NSD1: variants seen among roughly 807,000 people sequenced by gnomAD.
NSD1 encodes nuclear receptor binding SET domain protein 1, also known as histone-lysine N-methyltransferase, H3 lysine-36 specific.
Under a neutral mutation model 242.7 loss-of-function variants are expected in NSD1, and 26 were observed. That is an observed-to-expected ratio of 0.11 (90% CI 0.08 to 0.15). The LOEUF is 0.15. Among genes scored for constraint, NSD1 ranks in the 10% least tolerant of loss-of-function variants. The pLI is 1.00. For missense variants in NSD1, 2,495 were observed against 3,272.8 expected (o/e 0.76, Z 5.80); for synonymous variants, 1,106 against 1,178.1 (o/e 0.94, Z 1.25).
chr5:177,155,204 G>A (rs1382673181), intron 2 of NSD1, among the ~76,000 whole-genome samples: 2 of 152,020 alleles, frequency 1.3e-5, no homozygotes, highest in East Asian at 1.9e-4. Context: ...GGTCAGGCTC[G>A]TGTCAAACTC....
At chr5:177,201,650 C>T (rs1762515798) in intron 3 of NSD1, among the ~76,000 whole-genome samples, 1 of 151,348 alleles carries the variant, frequency 6.6e-6, no homozygotes, top group African/African-American at 2.4e-5. Context: ...CCCCCGCCTC[C>T]TGAGTTCAAG....
chr5:177,187,692 A>AT (rs1761346303), intron 2 of NSD1, among the ~76,000 whole-genome samples: 1 of 151,870 alleles, frequency 6.6e-6, no homozygotes, highest in Admixed American at 6.6e-5. Context: ...TGGTTAATAG[A>AT]TTGTGTTCTG....
intron 2 of NSD1, among the ~76,000 whole-genome samples, chr5:177,169,206 G>T (rs1202516592): frequency 6.6e-6 from 1 of 152,110 alleles, no homozygotes; most frequent in Non-Finnish European, 1.5e-5. Flanking sequence ...TGGAGCTGCT[G>T]CTTAAGTCTA....
intron 3 of NSD1, among the ~76,000 whole-genome samples, chr5:177,197,299 A>G (rs895155135): frequency 6.6e-6 from 1 of 151,534 alleles, no homozygotes; most frequent in African/African-American, 2.4e-5. Context: ...TAAAAAATAA[A>G]TTGGGTATTG....
Position 177,294,311 on chromosome 5 carries a change from C to T in NSD1, c.6943C>T (p.Pro2315Ser). Residue 2315 changes from proline (P) to serine (S), a missense_variant, in exon 23 of 23, where the codon CCA becomes TCA. Pro to Ser is a moderately conservative substitution (Grantham distance 74). Around this residue, in one of 19 missense-constraint regions of NSD1, gnomAD observed 475 missense variants for 563.7 expected, o/e 0.84. Transcript: ENST00000439151. ...KSQSLVSSQR[P>S]LDRPPAVAGP... is the part of the protein sequence containing the mutation. Reference sequence around the variant, plus strand: ...CCAATCCTTGGTTTCCAGCCAGAGGCCACTGGACAGGCCACCAGCAGTGGC... The same window carrying T: ...CCAATCCTTGGTTTCCAGCCAGAGGTCACTGGACAGGCCACCAGCAGTGGC... The T allele has an allele frequency of 2.5e-6, 4 of 1,614,210 alleles. No homozygotes were observed. The highest frequency in any genetic ancestry group is 3.4e-6 in the Non-Finnish European group (4 of 1,180,038).
At chr5:177,226,649 C>T (rs1299698794) in intron 5 of NSD1, among the ~76,000 whole-genome samples, 1 of 152,152 alleles carries the variant, frequency 6.6e-6, no homozygotes, top group Non-Finnish European at 1.5e-5. Context: ...TTGGCGATAT[C>T]TCATAGTATT....
chr5:177,169,004 T>G (rs1288823943), intron 2 of NSD1, among the ~76,000 whole-genome samples: 1 of 152,202 alleles, frequency 6.6e-6, no homozygotes, highest in Non-Finnish European at 1.5e-5. Context: ...GGCATTGTCA[T>G]GAATAATTGG....
intron 2 of NSD1, among the ~76,000 whole-genome samples, chr5:177,158,523 T>C (rs11958528): frequency 0.025 from 3,850 of 151,704 alleles, 48 homozygotes; most frequent in African/African-American, 0.029. Context: ...TTTTTGGTAG[T>C]GACAGGGTTT....
intron 3 of NSD1, among the ~76,000 whole-genome samples, chr5:177,192,403 A>AT (rs1218398480): frequency 6.8e-6 from 1 of 147,836 alleles, no homozygotes; most frequent in Non-Finnish European, 1.5e-5. Flanking sequence ...TTTTTTTTTA[A>AT]TTTTTTATTT....
At chr5:177,167,512 G>A (rs894852632) in intron 2 of NSD1, among the ~76,000 whole-genome samples, 4 of 151,860 alleles carry the variant, frequency 2.6e-5, no homozygotes, top group African/African-American at 9.7e-5. Context: ...TCCAGCCTGG[G>A]CAACAAGAGC....
intron 4 of NSD1, among the ~76,000 whole-genome samples, chr5:177,207,905 AGTGTGTGTGTGTGTGTGC>A (rs1404267537): frequency 2.0e-5 from 3 of 149,256 alleles, no homozygotes; most frequent in Non-Finnish European, 3.0e-5. Context: ...ATGTCCAGCT[AGTGTGTGTGTGTGTGTGC>A]GTGTGTGTGT....
chr5:177,151,083 A>G (rs1757658835), intron 2 of NSD1, among the ~76,000 whole-genome samples: 1 of 152,236 alleles, frequency 6.6e-6, no homozygotes, highest in African/African-American at 2.4e-5. Context: ...GTCACAATAT[A>G]TTAAGAATTG....
At chr5:177,229,499 A>G (rs1402314287) in intron 5 of NSD1, among the ~76,000 whole-genome samples, 1 of 152,020 alleles carries the variant, frequency 6.6e-6, no homozygotes, top group Non-Finnish European at 1.5e-5. Context: ...GGATTTTGAT[A>G]TTTTCTTCCA....
chr5:177,267,736 C>T lies in NSD1; in HGVS notation c.5303+18C>T. 2 of 1,611,888 alleles carry T rather than the reference C, an allele frequency of 1.2e-6. No individual in the cohort carries two copies. Among genetic ancestry groups the T allele is most frequent in the South Asian group, 1.1e-5 (1 of 90,918 alleles). ...CGATACAGGTAAGCCTGAAGAATAG[C>T]ACTCATCTCTTTTACCATCCTCTGT... On this transcript the variant is annotated intron_variant, in intron 15 of 22. Coordinates refer to ENST00000439151, the MANE Select transcript of NSD1 (RefSeq NM_022455.5).
At chr5:177,241,558 A>G (rs569195925) in intron 8 of NSD1, among the ~76,000 whole-genome samples, 1 of 152,112 alleles carries the variant, frequency 6.6e-6, no homozygotes, top group African/African-American at 2.4e-5. Flanking sequence ...ACCCTCTCTT[A>G]GATTCCCAGT....
At chr5:177,215,839 A>C (rs1341772950) in intron 5 of NSD1, among the ~76,000 whole-genome samples, 5 of 152,194 alleles carry the variant, frequency 3.3e-5, no homozygotes, top group Admixed American at 2.6e-4. Flanking sequence ...TAATTGCTGC[A>C]TCATTTTATA....
intron 12 of NSD1, among the ~76,000 whole-genome samples, chr5:177,256,387 A>G (rs1033772168): frequency 2.0e-5 from 3 of 149,548 alleles, no homozygotes; most frequent in Non-Finnish European, 4.4e-5. Flanking sequence ...GGCTCAAGCA[A>G]TCCTCCTGCC....
chr5:177,266,359 G>T, intron 14 of NSD1: 1 of 696,914 alleles, frequency 1.4e-6, no homozygotes, highest in East Asian at 3.0e-5. Flanking sequence ...TGACCTTGCG[G>T]GCCCGGCCTT....
At chr5:177,175,064 G>GTTA (rs1353924402) in intron 2 of NSD1, among the ~76,000 whole-genome samples, 3 of 150,880 alleles carry the variant, frequency 2.0e-5, no homozygotes, top group African/African-American at 7.3e-5. Flanking sequence ...GTAGAGACGG[G>GTTA]GTTTCACCGT....
Sources: allele counts gnomAD v4.1 joint callset (sites outside exome capture counted in the v4.1 genomes callset), GRCh38; gene constraint gnomAD v4.1.1; regional missense constraint gnomAD v4.1.1; transcripts MANE v1.5; gene names NCBI Gene and HGNC (gene_info 2026-07-23, HGNC 2026-07-21).